CACNA1D: variants seen among roughly 807,000 people sequenced by gnomAD.
CACNA1D encodes the protein voltage-dependent L-type calcium channel subunit alpha-1D.
Under a neutral mutation model 257.1 loss-of-function variants are expected in CACNA1D, and 55 were observed. That is an observed-to-expected ratio of 0.21 (90% CI 0.17 to 0.27). The LOEUF is 0.27. Ranked by LOEUF, CACNA1D falls within the 10% of genes least tolerant of loss-of-function variation. The pLI is 1.00. For synonymous variants in CACNA1D, 980 were observed against 1,014.9 expected (o/e 0.97, Z 0.65); for missense variants, 1,876 against 2,784.0 (o/e 0.67, Z 7.34).
chr3:53,592,721 TA>T (rs2093321919), intron 3 of CACNA1D, among the ~76,000 whole-genome samples: 1 of 151,890 alleles, frequency 6.6e-6, no homozygotes, highest in African/African-American at 2.4e-5. Context: ...TTTTTTTTTT[TA>T]GATGGAGTTT....
intron 3 of CACNA1D, among the ~76,000 whole-genome samples, chr3:53,508,082 A>C (rs1049052953): frequency 3.3e-5 from 5 of 152,056 alleles, no homozygotes; most frequent in Non-Finnish European, 7.4e-5. Context: ...CACGTTGCCT[A>C]TGTGTACATC....
Position 53,810,050 on chromosome 3 carries a change from G to C in CACNA1D, c.5944G>C (p.Ala1982Pro). Residue 1982 changes from alanine (A) to proline (P), a missense_variant, in exon 47 of 48, where the codon GCC (alanine) becomes CCC (proline). Transcript: ENST00000350061. ...ACCGAGTCACTCGACCCGGTCGTGG[G>C]CCACCCCTCCAGCAACCCCTCCCTA... ...YSPSHSTRSW[A>P]TPPATPPYRD... The C allele has an allele frequency of 1.9e-6, 3 of 1,613,932 alleles. No homozygotes were observed. Among genetic ancestry groups the C allele is most frequent in the Non-Finnish European group, 2.5e-6 (3 of 1,180,010 alleles).
At chr3:53,605,144 G>T (rs2093492520) in intron 3 of CACNA1D, among the ~76,000 whole-genome samples, 1 of 152,190 alleles carries the variant, frequency 6.6e-6, no homozygotes, top group African/African-American at 2.4e-5. Context: ...AGAAATAAAT[G>T]ACATTCACAC....
intron 3 of CACNA1D, among the ~76,000 whole-genome samples, chr3:53,569,052 T>G (rs539739128): frequency 6.6e-6 from 1 of 152,298 alleles, no homozygotes; most frequent in South Asian, 2.1e-4. Flanking sequence ...TACCACACTT[T>G]CCTGGTGTTC....
At chr3:53,744,595 T>A (rs2095149833) in intron 22 of CACNA1D, 145 bp from the exon 23 acceptor site, 1 of 725,998 alleles carries the variant, frequency 1.4e-6, no homozygotes, top group Non-Finnish European at 2.5e-6. Context: ...CTCTGAGTCG[T>A]GAAGAGAGAT....
At chr3:53,776,338 A>T (rs895934866) in intron 35 of CACNA1D, among the ~76,000 whole-genome samples, 4 of 152,214 alleles carry the variant, frequency 2.6e-5, no homozygotes, top group African/African-American at 7.2e-5. Context: ...TGGTGACCTA[A>T]GAGTGTGAAT....
chr3:53,659,722 G>T (rs1411582190), intron 4 of CACNA1D, among the ~76,000 whole-genome samples: 1 of 152,204 alleles, frequency 6.6e-6, no homozygotes, highest in East Asian at 1.9e-4. Flanking sequence ...GTTCATAATT[G>T]CTGCTGCATA....
chr3:53,784,903 A>T (rs1364092751), intron 39 of CACNA1D, among the ~76,000 whole-genome samples: 1 of 152,036 alleles, frequency 6.6e-6, no homozygotes, highest in Admixed American at 6.6e-5. Context: ...AGGATCCCAG[A>T]CTCAAGGAGC....
At chr3:53,533,553 G>C (rs1306466941) in intron 3 of CACNA1D, among the ~76,000 whole-genome samples, 2 of 152,190 alleles carry the variant, frequency 1.3e-5, no homozygotes, top group Non-Finnish European at 2.9e-5. Context: ...AACAGTGCTG[G>C]TGGGTAACAT....
chr3:53,589,551 C>T (rs540125016), intron 3 of CACNA1D, among the ~76,000 whole-genome samples: 17 of 152,264 alleles, frequency 1.1e-4, no homozygotes, highest in African/African-American at 3.6e-4. Flanking sequence ...TTGATCTTCC[C>T]GCCACCCAGA....
intron 8 of CACNA1D, among the ~76,000 whole-genome samples, chr3:53,691,762 TATA>T (rs1185327153): frequency 9.0e-6 from 1 of 111,164 alleles, no homozygotes; most frequent in African/African-American, 3.5e-5. Flanking sequence ...ATATATTACA[TATA>T]ATATATATAT....
intron 30 of CACNA1D, among the ~76,000 whole-genome samples, chr3:53,769,137 T>C (rs1166920054): frequency 6.6e-6 from 1 of 152,222 alleles, no homozygotes; most frequent in Non-Finnish European, 1.5e-5. Context: ...GGCACCATGC[T>C]GGGCACGGAG....
intron 3 of CACNA1D, among the ~76,000 whole-genome samples, chr3:53,590,967 G>T (rs187585852): frequency 8.5e-5 from 13 of 152,314 alleles, no homozygotes; most frequent in African/African-American, 2.6e-4. Context: ...CAGTAAACAT[G>T]TTTGGATTGA....
At chr3:53,611,342 C>T (rs2093580754) in intron 3 of CACNA1D, among the ~76,000 whole-genome samples, 1 of 152,172 alleles carries the variant, frequency 6.6e-6, no homozygotes, top group Non-Finnish European at 1.5e-5. Flanking sequence ...GTCATGATTG[C>T]ACCACTGCAC....
intron 47 of CACNA1D, among the ~76,000 whole-genome samples, chr3:53,810,780 A>AAAAAC (rs2095595809): frequency 7.6e-6 from 1 of 131,906 alleles, no homozygotes; most frequent in Non-Finnish European, 1.6e-5. Context: ...AAAAAAAAAA[A>AAAAAC]AAAAAACAAA....
chr3:53,749,190 AG>A lies in CACNA1D; in HGVS notation c.3315-76del, dbSNP rs749785188. 1.1e-5 allele frequency: 11 copies of A among 981,172 alleles called. No homozygotes were observed. In the Admixed American group the frequency reaches 1.9e-4, roughly 17 times the overall value. 60.8% of individuals were successfully genotyped at this position (981,172 alleles called of 1,614,324 possible). On this transcript the variant is annotated intron_variant, in intron 26 of 47. Coordinates refer to ENST00000350061, the MANE Select transcript of CACNA1D (RefSeq NM_001128840.3). The stretch of plus-strand genomic sequence containing the variant: ...CTCATGAGAGGAGTTCTGGAGAGGG[AG>A]GACCTGGGAAGGCAGCGGGCTGGGC...
rs557445325 is a variant in CACNA1D, at chr3:53,751,024, G to T, written c.3517-725G>T. 6.6e-6 allele frequency among the ~76,000 whole-genome samples: 1 copy of T among 151,012 alleles called. No homozygotes were observed. Among genetic ancestry groups the T allele is most frequent in the African/African-American group, 2.5e-5 (1 of 40,404 alleles). ...CCCTAAACTGCGTCCAATCAATCCAGCTGTCGCTACAGTGCTCCAGCTGGG... is the reference window on the plus strand; with the variant it reads ...CCCTAAACTGCGTCCAATCAATCCATCTGTCGCTACAGTGCTCCAGCTGGG... On this transcript the variant is annotated intron_variant, in intron 27 of 47. Coordinates refer to ENST00000350061, the MANE Select transcript of CACNA1D (RefSeq NM_001128840.3). This position sits in a 1 kb window ranked among gnomAD's most constrained non-coding sequence, Gnocchi z 4.3.
Position 53,774,185 on chromosome 3 carries a change from A to T in CACNA1D, c.4111-402A>T, listed in dbSNP as rs79400335. On this transcript the variant is annotated intron_variant, in intron 33 of 47. Transcript: ENST00000350061. The surrounding 1 kb of genome is among the most constrained non-coding windows in gnomAD (Gnocchi z 4.3). ...CTTCGCCTTTCCTATCACCTGATGTATCTTTCAGTTCTGAGTTTACATGTC... is the reference window on the plus strand; with the variant it reads ...CTTCGCCTTTCCTATCACCTGATGTTTCTTTCAGTTCTGAGTTTACATGTC... The T allele has an allele frequency of 0.031, 7,844 of 250,600 alleles. 210 individuals carry two copies. The highest frequency in any genetic ancestry group is 0.071 in the African/African-American group (3,151 of 44,546). The allele number at this position is 250,600 out of a possible 1,614,324, so 15.5% of individuals were successfully genotyped here.
chr3:53,617,919 T>C (rs1376243044), intron 3 of CACNA1D, among the ~76,000 whole-genome samples: 1 of 152,178 alleles, frequency 6.6e-6, no homozygotes, highest in Non-Finnish European at 1.5e-5. Flanking sequence ...TTGTCTATCA[T>C]TTCCACCCTT....
Sources: allele counts gnomAD v4.1 joint callset (sites outside exome capture counted in the v4.1 genomes callset), GRCh38; gene constraint gnomAD v4.1.1; non-coding constraint Gnocchi (gnomAD v3.1); transcripts MANE v1.5; gene names NCBI Gene and HGNC (gene_info 2026-07-23, HGNC 2026-07-21).